The following TMEM74 variants were observed in gnomAD, a reference collection of about 807,000 sequenced individuals.
TMEM74 encodes transmembrane protein 74.
A neutral mutation model predicts 18.1 loss-of-function variants in TMEM74; 13 were observed. The observed-to-expected ratio is 0.72, with a 90% CI of 0.47 to 1.14. The LOEUF is 1.14. TMEM74 is among the 50% of genes most tolerant of loss of function. The probability of loss-of-function intolerance (pLI) is 0.00; values close to 1 mark genes in which losing one functional copy is unlikely to be tolerated. For missense variants in TMEM74, 372 were observed against 375.9 expected, an observed-to-expected ratio of 0.99 and a Z score of 0.09; for synonymous variants, 159 against 146.6, an observed-to-expected ratio of 1.08 and a Z score of -0.61.
At chr8:108,616,973 G>A (rs112520385) in intron 2 of TMEM74, among the ~76,000 whole-genome samples, 4 of 151,342 alleles carry the variant, frequency 2.6e-5, no homozygotes, top group African/African-American at 9.7e-5. Flanking sequence ...TTTATAGTCA[G>A]TATAGTGACT....
At chr8:108,643,550 G>A (rs1812686640) in intron 2 of TMEM74, among the ~76,000 whole-genome samples, 1 of 151,570 alleles carries the variant, frequency 6.6e-6, no homozygotes, top group African/African-American at 2.4e-5. Flanking sequence ...TTGAACTAAG[G>A]GGCCTTTTGT....
chr8:108,632,549 C>G (rs1169887172), intron 2 of TMEM74, among the ~76,000 whole-genome samples: 2 of 151,564 alleles, frequency 1.3e-5, no homozygotes, highest in Admixed American at 1.3e-4. Flanking sequence ...TTTCAAGGAC[C>G]ATGATTAAAT....
At chr8:108,763,399 C>G (rs565142541) in intron 1 of TMEM74, among the ~76,000 whole-genome samples, 1 of 152,162 alleles carries the variant, frequency 6.6e-6, no homozygotes, top group South Asian at 2.1e-4. Flanking sequence ...TAAACACAAA[C>G]CTAGGCATGA....
At chr8:108,684,596 T>A (rs1813149186) in intron 1 of TMEM74, among the ~76,000 whole-genome samples, 1 of 152,046 alleles carries the variant, frequency 6.6e-6, no homozygotes, top group Non-Finnish European at 1.5e-5. Context: ...TCCCATTTGT[T>A]TATTTTTGCT....
rs1554630288 is a variant in TMEM74, at chr8:108,657,877, T to TATATATATTAATTAC, written n.120-2441_120-2440insGTAATTAATATATAT. On this transcript the variant is annotated intron_variant and non_coding_transcript_variant, in intron 1 of 3. Transcript: ENST00000518838. ...AAAAAAAAATATATATATATATATATATATATATATATATATATATATATA... is the reference window on the plus strand; with the variant it reads ...AAAAAAAAATATATATATATATATATATATATATTAATTACATATATATATATATATATATATATA... 2.3e-3 allele frequency among the ~76,000 whole-genome samples: 162 copies of TATATATATTAATTAC among 70,878 alleles called. 5 individuals carry two copies. The highest frequency in any genetic ancestry group is 9.6e-3 in the East Asian group (19 of 1,988). The allele number at this position is 70,878 out of a possible 152,430, so 46.5% of individuals were successfully genotyped here. A position where few individuals can be genotyped will look rare whatever the true frequency, so the allele number is the denominator to read the frequency against.
downstream of TMEM74, among the ~76,000 whole-genome samples, chr8:108,774,096 G>A (rs1176422349): frequency 6.6e-6 from 1 of 152,314 alleles, no homozygotes; most frequent in East Asian, 1.9e-4. Context: ...GTGAACTAGA[G>A]GGAGATTTTG....
At chr8:108,635,921 A>T (rs1233021536) in intron 2 of TMEM74, among the ~76,000 whole-genome samples, 2 of 152,082 alleles carry the variant, frequency 1.3e-5, no homozygotes, top group Non-Finnish European at 2.9e-5. Context: ...AGAGTGGCTA[A>T]TTTTTGTGAT....
chr8:108,703,590 A>C (rs1813359772), intron 1 of TMEM74, among the ~76,000 whole-genome samples: 2 of 152,218 alleles, frequency 1.3e-5, no homozygotes, highest in Admixed American at 1.3e-4. Context: ...ATGAACCCTA[A>C]AAAAAGAGAA....
intron 2 of TMEM74, among the ~76,000 whole-genome samples, chr8:108,652,132 C>T (rs1586248119): frequency 6.6e-6 from 1 of 152,154 alleles, no homozygotes; most frequent in East Asian, 1.9e-4. Context: ...TTAACTCTTT[C>T]AATTTCACAA....
chr8:108,619,259 G>A (rs911898887), intron 2 of TMEM74, among the ~76,000 whole-genome samples: 3 of 152,166 alleles, frequency 2.0e-5, no homozygotes, highest in African/African-American at 7.2e-5. Context: ...ACTAGAAACA[G>A]CAACTAGGAG....
intron 2 of TMEM74, among the ~76,000 whole-genome samples, chr8:108,611,935 T>A (rs943194364): frequency 3.9e-5 from 6 of 152,160 alleles, no homozygotes; most frequent in Admixed American, 3.3e-4. Context: ...AAACTTACAA[T>A]CACAGCTGAA....
chr8:108,646,204 C>A (rs1009365484), intron 2 of TMEM74, among the ~76,000 whole-genome samples: 57 of 151,574 alleles, frequency 3.8e-4, no homozygotes, highest in African/African-American at 1.4e-3. Context: ...TGTATCCATG[C>A]TAAATATACA....
At chr8:108,683,523 A>G (rs1278229795) in intron 1 of TMEM74, among the ~76,000 whole-genome samples, 3 of 151,936 alleles carry the variant, frequency 2.0e-5, no homozygotes, top group South Asian at 4.1e-4. Flanking sequence ...AGAGACCATT[A>G]TACAATTATG....
chr8:108,749,622 C>T (rs1465269827), intron 1 of TMEM74, among the ~76,000 whole-genome samples: 2 of 152,098 alleles, frequency 1.3e-5, no homozygotes, highest in Admixed American at 6.6e-5. Context: ...TTCCTCTCTT[C>T]CTATTTGGAT....
At chr8:108,640,851 C>A (rs1009083212) in intron 2 of TMEM74, among the ~76,000 whole-genome samples, 2 of 152,126 alleles carry the variant, frequency 1.3e-5, no homozygotes, top group Non-Finnish European at 2.9e-5. Flanking sequence ...ATTTCCAAAA[C>A]AACAGGCTTT....
intron 1 of TMEM74, among the ~76,000 whole-genome samples, chr8:108,687,509 G>A (rs376824582): frequency 6.6e-6 from 1 of 151,980 alleles, no homozygotes; most frequent in African/African-American, 2.4e-5. Context: ...AGCACATTAC[G>A]CTCGTTGTTC....
chr8:108,657,256 T>C (rs1026156415), intron 1 of TMEM74, among the ~76,000 whole-genome samples: 4 of 152,048 alleles, frequency 2.6e-5, no homozygotes, highest in Non-Finnish European at 4.4e-5. Context: ...TCTCAATAAC[T>C]ACCATGGTGT....
intron 1 of TMEM74, among the ~76,000 whole-genome samples, chr8:108,758,558 T>TA (rs1431835610): frequency 1.3e-5 from 2 of 152,066 alleles, no homozygotes; most frequent in Non-Finnish European, 2.9e-5. Flanking sequence ...CAAACCTTTT[T>TA]AGTTGGACAA....
At chr8:108,741,791 G>A (rs1586280364) in intron 1 of TMEM74, among the ~76,000 whole-genome samples, 1 of 152,296 alleles carries the variant, frequency 6.6e-6, no homozygotes, top group East Asian at 1.9e-4. Context: ...GCAGGAATTG[G>A]GAGATTGGGA....
Sources: gnomAD v4.1 joint callset for allele counts (sites outside exome capture counted in the v4.1 genomes callset) on GRCh38, gnomAD v4.1.1 for gene constraint, MANE v1.5 for transcripts, NCBI Gene and HGNC (gene_info 2026-07-23, HGNC 2026-07-21) for gene names.